Variants in DDX27 observed in about 807,000 individuals in gnomAD.
The protein encoded by DDX27 is DEAD-box helicase 27, also known as probable ATP-dependent RNA helicase DDX27.
In DDX27, 42 loss-of-function variants were observed where a neutral mutation model predicts 99.3. That is an observed-to-expected ratio of 0.42 (90% CI 0.33 to 0.55). The LOEUF (loss-of-function observed/expected upper bound fraction) is 0.55, where lower values mean the gene tolerates loss of function less well. Among genes scored for constraint, DDX27 ranks in the 20% least tolerant of loss-of-function variants. The pLI is 0.07. For synonymous variants in DDX27, 329 were observed against 353.8 expected (o/e 0.93, Z 0.79); for missense variants, 798 against 976.8 (o/e 0.82, Z 2.44).
rs140664422 is a variant in DDX27, at chr20:49,238,175, C to T, written c.1688-774C>T. On this transcript the variant is annotated intron_variant, in intron 14 of 20. Transcript: ENST00000618172. ...CTGGGACTACAGGTGCATGCCACCA[C>T]GCCCAGCTAATTTTTATATTTTTAG... The T allele has an allele frequency of 3.2e-3, 483 of 152,102 alleles. 16 individuals carry two copies. The East Asian group carries it at 0.037, about 12-fold the overall frequency. 9.4% of individuals were successfully genotyped at this position (152,102 alleles called of 1,614,324 possible).
At chr20:49,238,176 GCC>G (rs1048280440) in intron 14 of DDX27, 1 of 151,918 alleles carries the variant, frequency 6.6e-6, no homozygotes, top group African/African-American at 2.4e-5. Flanking sequence ...ATGCCACCAC[GCC>G]CAGCTAATTT....
In DDX27 at chr20:49,241,945, G is replaced by A; in HGVS notation, c.1950G>A (p.Arg650=). ...FDLALRGKKK[R]KKFMKDAKKK... ...TGGCCTTAAGAGGAAAGAAGAAAAG[G>A]AAGAAGTTTATGAAGGATGCCAAAA... is the stretch of plus-strand genomic sequence containing the variant. Residue 650 remains arginine (R), a synonymous_variant, in exon 17 of 21, where the codon AGG becomes AGA. Coordinates refer to ENST00000618172, the MANE Select transcript of DDX27 (RefSeq NM_017895.8). 1 of 1,614,110 alleles carries A rather than the reference G, an allele frequency of 6.2e-7. No individual in the cohort carries two copies. Among genetic ancestry groups the A allele is most frequent in the Non-Finnish European group, 8.5e-7 (1 of 1,180,034 alleles).
intron 16 of DDX27, among the ~76,000 whole-genome samples, chr20:49,239,944 A>G (rs1980424786): frequency 3.3e-5 from 5 of 152,212 alleles, no homozygotes; most frequent in Admixed American, 3.3e-4. Context: ...TCTTAAGCTG[A>G]ATGAAATAAT....
Position 49,243,973 on chromosome 20 carries a change from G to A in DDX27, c.*139G>A. ...AAACAACACTTTGGTGTGGTGGTAT[G>A]GTACGTAGCTATTTTCCTAAGCATG... On this transcript the variant is annotated 3_prime_UTR_variant, in exon 21 of 21. Coordinates refer to ENST00000618172, the MANE Select transcript of DDX27 (RefSeq NM_017895.8). The A allele has an allele frequency of 2.1e-6, 2 of 940,724 alleles. No individual in the cohort carries two copies. Among genetic ancestry groups the A allele is most frequent in the East Asian group, 2.6e-5 (1 of 38,302 alleles). 58.3% of individuals were successfully genotyped at this position (940,724 alleles called of 1,614,324 possible). A position where few individuals can be genotyped will look rare whatever the true frequency, so the allele number is the denominator to read the frequency against.
intron 3 of DDX27, 63 bp downstream of exon 3, chr20:49,223,079 A>C: frequency 6.6e-7 from 1 of 1,514,664 alleles, no homozygotes; most frequent in Non-Finnish European, 9.1e-7. Context: ...CCACGACCCC[A>C]GCATCTCTCT....
chr20:49,223,189 C>T (rs769699244), intron 3 of DDX27, 79 bp from the exon 4 acceptor site: 162 of 1,475,836 alleles, frequency 1.1e-4, no homozygotes, highest in Middle Eastern at 1.8e-4. Context: ...TCATTCAGGC[C>T]GGAGAGCTTC....
chr20:49,226,826 G>T (rs544556139), intron 7 of DDX27, among the ~76,000 whole-genome samples: 60 of 132,520 alleles, frequency 4.5e-4, no homozygotes, highest in Non-Finnish European at 7.8e-4. Context: ...ACACAAAAAA[G>T]ATATACTGGT....
chr20:49,242,881 C>T (rs796630265), intron 19 of DDX27, among the ~76,000 whole-genome samples, 200 bp downstream of exon 19: 2 of 152,248 alleles, frequency 1.3e-5, no homozygotes, highest in African/African-American at 4.8e-5. Context: ...GCCACCATGC[C>T]CAACTAATTT....
rs1405826679 is a variant in DDX27, at chr20:49,233,395, T to C, written c.1121T>C (p.Met374Thr). The C allele has an allele frequency of 6.2e-7, 1 of 1,613,838 alleles. No homozygotes were observed. The highest frequency in any genetic ancestry group is 2.2e-5 in the East Asian group (1 of 44,896). ...CAGACCATGCTCTTCTCGGCCACCA[T>C]GACAGACGAGGTGGGCCGAGGGACT... ...HRQTMLFSAT[M>T]TDEVKDLASV... Residue 374 changes from methionine to threonine, a missense_variant, in exon 10 of 21, where the codon ATG becomes ACG. Met to Thr is a moderately conservative substitution (Grantham distance 81, BLOSUM62 -1). Transcript: ENST00000618172.
At chr20:49,226,857 CT>C (rs36048579) in intron 7 of DDX27, among the ~76,000 whole-genome samples, 14 of 63,464 alleles carry the variant, frequency 2.2e-4, no homozygotes, top group Admixed American at 7.2e-4. Context: ...GAGTAAAGGA[CT>C]TTTTTTTTTT....
chr20:49,224,362 C>CTTTTT lies in DDX27; in HGVS notation c.467-580_467-579insTTTTT, dbSNP rs10654735. Among the ~76,000 whole-genome samples, 10 of 140,804 alleles carry CTTTTT rather than the reference C, an allele frequency of 7.1e-5. 2 individuals are homozygous for CTTTTT. Among genetic ancestry groups the CTTTTT allele is most frequent in the Non-Finnish European group, 4.6e-5 (3 of 65,498 alleles). The allele number at this position is 140,804 out of a possible 152,430, so 92.4% of individuals were successfully genotyped here. A position where few individuals can be genotyped will look rare whatever the true frequency, so the allele number is the denominator to read the frequency against. On this transcript the variant is annotated intron_variant, in intron 4 of 20. Coordinates refer to ENST00000618172, the MANE Select transcript of DDX27 (RefSeq NM_017895.8). ...GTGGGTGCTCAATAAGTATTTCTTT[C>CTTTTT]TTTCTTTTTTTTTTTTTGAGATGGA...
chr20:49,227,130 G>A (rs902173488), intron 7 of DDX27, among the ~76,000 whole-genome samples: 38 of 151,982 alleles, frequency 2.5e-4, no homozygotes, highest in Non-Finnish European at 2.9e-5. Flanking sequence ...CCAAAGTGCT[G>A]GGATTACAGG....
chr20:49,230,474 A>T, intron 9 of DDX27, 125 bp downstream of exon 9: 1 of 1,134,582 alleles, frequency 8.8e-7, no homozygotes, highest in Non-Finnish European at 1.2e-6. Context: ...GCGATACCAG[A>T]TCAGCCACTT....
At position 49,242,367 on chromosome 20, in the gene DDX27, G is replaced by A. The variant is rs561131922; in HGVS notation, c.2116+161G>A. Among the ~76,000 whole-genome samples, 49 of 152,268 alleles carry A rather than the reference G, an allele frequency of 3.2e-4. No individual in the cohort carries two copies. In the Middle Eastern group the frequency reaches 0.014, roughly 42 times the overall value. ...GCTATCCCTCCACGGTCTAAGGGGC[G>A]CAGTGACCTTGTGGTTGTTGAGAAC... On this transcript the variant is annotated intron_variant, in intron 18 of 20. Transcript: ENST00000618172.
intron 4 of DDX27, chr20:49,224,673 T>C: frequency 2.5e-6 from 1 of 395,028 alleles, no homozygotes; most frequent in Non-Finnish European, 4.6e-6. Context: ...TCAATAAGTA[T>C]TTCTTGCAGA....
chr20:49,223,049 G>T lies in DDX27; in HGVS notation c.300+33G>T, dbSNP rs756595525. ...GAAAAGTGGCTATTTTTCGTTGTTAGGGCCCACTCTTTACTCTCACCACGA... is the reference window on the plus strand; with the variant it reads ...GAAAAGTGGCTATTTTTCGTTGTTATGGCCCACTCTTTACTCTCACCACGA... On this transcript the variant is annotated intron_variant, in intron 3 of 20. Coordinates refer to ENST00000618172, the MANE Select transcript of DDX27 (RefSeq NM_017895.8). 2.5e-6 allele frequency: 4 copies of T among 1,592,414 alleles called. No homozygotes were observed. In the South Asian group the frequency reaches 4.5e-5, roughly 18 times the overall value.
At position 49,230,258 on chromosome 20, in the gene DDX27, G is replaced by A. The variant is rs1325553337; in HGVS notation, c.940G>A (p.Ala314Thr). ...ALRAAPDILI[A>T]TPGRLIDHLH... is the part of the protein sequence containing the mutation. ...TCGGGCAGCGCCTGACATCCTCATC[G>A]CCACCCCAGGCCGGCTCATCGATCA... The change falls in exon 9 of 21, where the codon GCC (alanine) becomes ACC (threonine). Residue 314 changes from alanine (A) to threonine (T), a missense_variant. Transcript: ENST00000618172. 6.2e-7 allele frequency: 1 copy of A among 1,613,154 alleles called. No individual in the cohort carries two copies. Among genetic ancestry groups the A allele is most frequent in the Non-Finnish European group, 8.5e-7 (1 of 1,179,994 alleles).
rs753381260 is a variant in DDX27 at position 49,221,485 on chromosome 20, T to C, written c.127T>C (p.Leu43=). 15 of 1,613,600 alleles carry C rather than the reference T, an allele frequency of 9.3e-6. No homozygotes were observed. In the East Asian group the frequency reaches 1.1e-4, roughly 12 times the overall value. The change falls in exon 2 of 21, where the codon TTG becomes CTG. Residue 43 remains leucine (L), a synonymous_variant. Transcript: ENST00000618172. ...PIVLGRRQKA[L]GKNRSADFNP... ...TGTGCTGGGCAGACGACAAAAAGCT[T>C]TGGGGAAGAACCGCAGTGCTGATTT...
intron 12 of DDX27, 138 bp downstream of exon 12, chr20:49,235,226 C>A (rs1980263509): frequency 2.0e-6 from 2 of 985,424 alleles, no homozygotes; most frequent in East Asian, 5.6e-5. Context: ...AACATTTTAA[C>A]CTAACCACTG....
Sources: gnomAD v4.1 joint callset for allele counts (sites outside exome capture counted in the v4.1 genomes callset) on GRCh38, gnomAD v4.1.1 for gene constraint, MANE v1.5 for transcripts, NCBI Gene and HGNC (gene_info 2026-07-23, HGNC 2026-07-21) for gene names.